The following ATP2C2 variants were observed in gnomAD, a reference collection of about 807,000 sequenced individuals.
The protein encoded by ATP2C2 is ATPase secretory pathway Ca2+ transporting 2.
A neutral mutation model predicts 110.8 loss-of-function variants in ATP2C2; 171 were observed. The observed-to-expected ratio is 1.54, with a 90% confidence interval of 1.36 to 1.75. The LOEUF is 1.75. ATP2C2 is among the 40% of genes most tolerant of loss of function. ATP2C2 has a pLI of 0.00. For missense variants in ATP2C2, 1,963 were observed against 1,235.0 expected, an observed-to-expected ratio of 1.59 and a Z score of -8.84; for synonymous variants, 804 against 508.4, an observed-to-expected ratio of 1.58 and a Z score of -7.82.
At chr16:84,451,429 G>A (rs1298307523) in intron 17 of ATP2C2, among the ~76,000 whole-genome samples, 2 of 152,220 alleles carry the variant, frequency 1.3e-5, no homozygotes, top group Non-Finnish European at 2.9e-5. Flanking sequence ...TCCATCTGTT[G>A]TGCACCTGCG....
chr16:84,449,370 C>T (rs375741220), intron 17 of ATP2C2, among the ~76,000 whole-genome samples: 2 of 152,284 alleles, frequency 1.3e-5, no homozygotes, highest in South Asian at 2.1e-4. Flanking sequence ...GAGCACGTGT[C>T]CCCTCTTCCC....
chr16:84,408,559 T>C, intron 4 of ATP2C2, 65 bp downstream of exon 4: 1 of 1,303,942 alleles, frequency 7.7e-7, no homozygotes, highest in African/African-American at 1.5e-5. Flanking sequence ...TCTCTGCTTG[T>C]TATTGTATAT....
At chr16:84,381,913 T>C (rs964065855) in intron 1 of ATP2C2, among the ~76,000 whole-genome samples, 1 of 152,232 alleles carries the variant, frequency 6.6e-6, no homozygotes, top group Admixed American at 6.5e-5. Context: ...CTTCATGGAA[T>C]TGGGCCCAGG....
chr16:84,368,580 A>G lies in ATP2C2; in HGVS notation c.-36A>G, dbSNP rs938492347. ...GCAGCCATCCCGGGCCTCGCCGGGG[A>G]CCTAGGGACGCAGGCAACGCCTGCG... is the stretch of plus-strand genomic sequence containing the variant. On this transcript the variant is annotated 5_prime_UTR_variant, in exon 1 of 27. Transcript: ENST00000262429. 1.3e-6 allele frequency: 2 copies of G among 1,484,598 alleles called. No homozygotes were observed. Among genetic ancestry groups the G allele is most frequent in the East Asian group, 2.6e-5 (1 of 38,352 alleles). 92.0% of individuals were successfully genotyped at this position (1,484,598 alleles called of 1,614,324 possible).
At chr16:84,430,029 CT>C (rs1302205757) in intron 11 of ATP2C2, among the ~76,000 whole-genome samples, 1 of 152,004 alleles carries the variant, frequency 6.6e-6, no homozygotes, top group Admixed American at 6.6e-5. Flanking sequence ...CTCTTCTCTT[CT>C]TTTTATAAGG....
Position 84,415,501 on chromosome 16 carries a change from C to G in ATP2C2, c.534C>G (p.Leu178=), listed in dbSNP as rs1376997151. 1.2e-6 allele frequency: 2 copies of G among 1,614,010 alleles called. No homozygotes were observed. Among genetic ancestry groups the G allele is most frequent in the Non-Finnish European group, 1.7e-6 (2 of 1,180,028 alleles). ...PECNCLREGK[L]QHLLARELVP... is the part of the protein sequence containing the mutation. ...AATGCAGCCTAAGAGAAGGAAAACTCCAGCACCTGCTTGCTCGAGAACTGG... is the reference window on the plus strand; with the variant it reads ...AATGCAGCCTAAGAGAAGGAAAACTGCAGCACCTGCTTGCTCGAGAACTGG... The change falls in exon 7 of 27, where the codon CTC becomes CTG. Residue 178 remains leucine, a synonymous_variant. Coordinates refer to ENST00000262429, the MANE Select transcript of ATP2C2 (RefSeq NM_014861.4).
rs139921872 is a variant in ATP2C2, at chr16:84,432,903, G to C, written c.987-6263G>C. 4.7e-4 allele frequency among the ~76,000 whole-genome samples: 72 copies of C among 152,206 alleles called. 1 individual carries two copies. The East Asian group carries it at 0.013, about 27-fold the overall frequency. On this transcript the variant is annotated intron_variant, in intron 11 of 26. Coordinates refer to ENST00000262429, the MANE Select transcript of ATP2C2 (RefSeq NM_014861.4). ...CCCTCTGAGCGTGAGGCTGTGATTC[G>C]ACACTGTCCCCTGAGAGCGGGCTCC... is the stretch of plus-strand genomic sequence containing the variant.
intron 4 of ATP2C2, 112 bp downstream of exon 4, chr16:84,408,606 G>A (rs532692439): frequency 2.5e-6 from 2 of 794,292 alleles, no homozygotes; most frequent in East Asian, 2.8e-5. Context: ...GGGGAAAAAG[G>A]AGCATACAGA....
chr16:84,428,902 T>C (rs1908017931), intron 11 of ATP2C2, among the ~76,000 whole-genome samples: 1 of 152,184 alleles, frequency 6.6e-6, no homozygotes. Context: ...TAGACCTGTT[T>C]GGAACCATGA....
chr16:84,384,668 G>A (rs1328297078), intron 1 of ATP2C2, among the ~76,000 whole-genome samples: 2 of 152,168 alleles, frequency 1.3e-5, no homozygotes, highest in African/African-American at 4.8e-5. Context: ...CATGGACGAT[G>A]CTTGGCTGAA....
At chr16:84,410,153 G>C (rs1442886636) in intron 4 of ATP2C2, among the ~76,000 whole-genome samples, 4 of 152,156 alleles carry the variant, frequency 2.6e-5, no homozygotes, top group African/African-American at 9.7e-5. Flanking sequence ...AGGTTGCAGT[G>C]AGCCAAGATC....
intron 7 of ATP2C2, among the ~76,000 whole-genome samples, chr16:84,416,959 G>C (rs550215864): frequency 3.0e-4 from 45 of 152,296 alleles, no homozygotes; most frequent in African/African-American, 1.0e-3. Context: ...CAGGCAGCTT[G>C]TGAGAAGGAC....
intron 2 of ATP2C2, among the ~76,000 whole-genome samples, chr16:84,402,754 T>C (rs1252003242): frequency 6.6e-6 from 1 of 152,210 alleles, no homozygotes; most frequent in Non-Finnish European, 1.5e-5. Flanking sequence ...AGTAGTTTTC[T>C]TTTTTAAATG....
chr16:84,420,335 G>T (rs895458201), intron 7 of ATP2C2, among the ~76,000 whole-genome samples: 3 of 152,056 alleles, frequency 2.0e-5, no homozygotes, highest in African/African-American at 7.2e-5. Flanking sequence ...GGATGGTCAG[G>T]TTTCCCATCA....
rs1211376527 is a variant in ATP2C2, at chr16:84,439,285, CTT to C, written c.1108_1109del (p.Leu370ArgfsTer9). 7 of 1,612,892 alleles carry C rather than the reference CTT, an allele frequency of 4.3e-6. No homozygotes were observed. On this transcript the variant is annotated frameshift_variant, in exon 12 of 27. Coordinates refer to ENST00000262429, the MANE Select transcript of ATP2C2 (RefSeq NM_014861.4). LOFTEE classifies it high-confidence loss of function. ...GTGAAGAAGTTACCCATCGTGGAGA[CTT>C]TAGGTGAGGGACTCCAGCTGGTGGA...
At chr16:84,463,524 T>C in intron 26 of ATP2C2, 90 bp from the exon 27 acceptor site, 1 of 1,097,968 alleles carries the variant, frequency 9.1e-7, no homozygotes, top group Non-Finnish European at 1.4e-6. Context: ...ACCTCTCACT[T>C]TATCAGGAGG....
At chr16:84,381,535 C>A (rs1334173794) in intron 1 of ATP2C2, among the ~76,000 whole-genome samples, 1 of 152,052 alleles carries the variant, frequency 6.6e-6, no homozygotes, top group African/African-American at 2.4e-5. Flanking sequence ...CGAGATCATG[C>A]CACTGCACTC....
At chr16:84,449,359 C>T (rs575514777) in intron 17 of ATP2C2, among the ~76,000 whole-genome samples, 4 of 152,352 alleles carry the variant, frequency 2.6e-5, no homozygotes, top group South Asian at 4.1e-4. Flanking sequence ...AAGCCAGCGC[C>T]GAGCACGTGT....
chr16:84,388,938 AT>A (rs1904486053), intron 1 of ATP2C2, among the ~76,000 whole-genome samples: 1 of 151,946 alleles, frequency 6.6e-6, no homozygotes, highest in Admixed American at 6.6e-5. Flanking sequence ...TGCTCGGCTA[AT>A]TTTTGTATTT....
Sources: gnomAD v4.1 joint callset for allele counts (sites outside exome capture counted in the v4.1 genomes callset) on GRCh38, gnomAD v4.1.1 for gene constraint, MANE v1.5 for transcripts, NCBI Gene and HGNC (gene_info 2026-07-23, HGNC 2026-07-21) for gene names.